JAK2: variants seen among roughly 807,000 people sequenced by gnomAD.
The protein encoded by JAK2 is tyrosine-protein kinase JAK2.
A neutral mutation model predicts 139.3 loss-of-function variants in JAK2; 86 were observed. The observed-to-expected ratio is 0.62, with a 90% CI of 0.52 to 0.74. JAK2 has a LOEUF of 0.74. Ranked by LOEUF, JAK2 falls within the 30% of genes least tolerant of loss-of-function variation. JAK2 has a pLI of 0.00. For missense variants in JAK2, 1,421 were observed against 1,360.3 expected (o/e 1.04, Z -0.70); for synonymous variants, 490 against 437.7 (o/e 1.12, Z -1.49).
chr9:5,091,376 GATT>G, intron 22 of JAK2: 1 of 152,904 alleles, frequency 6.5e-6, no homozygotes, highest in East Asian at 1.9e-4. Flanking sequence ...TTATTATTAG[GATT>G]ATTAATAGAG....
chr9:5,114,456 C>T (rs1477889400), intron 22 of JAK2: 2 of 473,646 alleles, frequency 4.2e-6, no homozygotes, highest in Admixed American at 5.3e-5. Flanking sequence ...CACCCACCTG[C>T]AGTCCACGAC....
chr9:4,998,338 C>T (rs1820709483), intron 2 of JAK2, among the ~76,000 whole-genome samples: 1 of 152,122 alleles, frequency 6.6e-6, no homozygotes, highest in South Asian at 2.1e-4. Context: ...CTCACTGCAA[C>T]TTCTGCCTCC....
chr9:5,055,901 A>T (rs1280352262), intron 8 of JAK2, 113 bp downstream of exon 8: 4 of 930,124 alleles, frequency 4.3e-6, no homozygotes, highest in Non-Finnish European at 6.4e-6. Flanking sequence ...TTGTAGTTTT[A>T]AATATAACTC....
intron 22 of JAK2, among the ~76,000 whole-genome samples, chr9:5,107,382 A>G (rs1334237221): frequency 6.6e-6 from 1 of 152,110 alleles, no homozygotes; most frequent in Non-Finnish European, 1.5e-5. Context: ...CCTTTTCCAT[A>G]AAATTCTTCC....
chr9:5,080,892 C>CTTTT (rs33925764), intron 18 of JAK2, among the ~76,000 whole-genome samples: 98 of 95,530 alleles, frequency 1.0e-3, no homozygotes, highest in Non-Finnish European at 1.1e-3. Context: ...AAGACCTTTT[C>CTTTT]TTTTTTTTTT....
chr9:5,090,343 T>A (rs1820481346), intron 20 of JAK2, 103 bp from the exon 21 acceptor site: 1 of 852,770 alleles, frequency 1.2e-6, no homozygotes, highest in Non-Finnish European at 1.6e-6. Context: ...TTTGTCATCT[T>A]AGATTTCATA....
chr9:5,083,109 G>C (rs1008757260), intron 19 of JAK2, among the ~76,000 whole-genome samples: 3 of 152,162 alleles, frequency 2.0e-5, no homozygotes, highest in Non-Finnish European at 4.4e-5. Flanking sequence ...ACTGTTCCTT[G>C]GTAGCAGGAG....
At chr9:5,045,123 T>C (rs146932362) in intron 5 of JAK2, among the ~76,000 whole-genome samples, 65 of 152,322 alleles carry the variant, frequency 4.3e-4, no homozygotes, top group African/African-American at 1.5e-3. Context: ...AATTGAAATA[T>C]TTTGTCATTA....
chr9:5,006,164 T>C (rs1821288312), intron 2 of JAK2, among the ~76,000 whole-genome samples: 1 of 152,168 alleles, frequency 6.6e-6, no homozygotes, highest in Non-Finnish European at 1.5e-5. Flanking sequence ...TCCTCTTTTA[T>C]TTCATTGAGC....
chr9:5,109,041 C>T (rs1402269236), intron 22 of JAK2: 1 of 152,068 alleles, frequency 6.6e-6, no homozygotes, highest in East Asian at 1.9e-4. Context: ...TACCATTAAT[C>T]TAGTAAGGGA....
chr9:5,101,559 A>G (rs939806927), intron 22 of JAK2, among the ~76,000 whole-genome samples: 9 of 152,244 alleles, frequency 5.9e-5, no homozygotes, highest in African/African-American at 1.4e-4. Context: ...AGCTCTGACA[A>G]TGGACAGACT....
intron 15 of JAK2, 98 bp downstream of exon 15, chr9:5,077,678 G>A: frequency 1.4e-6 from 1 of 699,356 alleles, no homozygotes; most frequent in Non-Finnish European, 2.2e-6. Flanking sequence ...ATCTGTAATT[G>A]GATGCCAATT....
rs188732691 is a variant in JAK2 at position 5,074,478 on chromosome 9, A to G, written c.1864+693A>G. Among the ~76,000 whole-genome samples, 42 of 152,194 alleles carry G rather than the reference A, an allele frequency of 2.8e-4. No homozygotes were observed. The East Asian group carries it at 7.7e-3, about 28-fold the overall frequency. On this transcript the variant is annotated intron_variant, in intron 14 of 24. Coordinates refer to ENST00000381652, the MANE Select transcript of JAK2 (RefSeq NM_004972.4). ...ACATTTCAAACTTTAAAAAAATCATATGGTGATCTGTGATCAGTAATCTTT... is the reference window on the plus strand; with the variant it reads ...ACATTTCAAACTTTAAAAAAATCATGTGGTGATCTGTGATCAGTAATCTTT...
At chr9:5,111,708 G>A (rs1822563595) in intron 22 of JAK2, 2 of 431,628 alleles carry the variant, frequency 4.6e-6, no homozygotes, top group Middle Eastern at 5.2e-4. Context: ...ACGTTTGGCG[G>A]CCTGCACCAG....
chr9:4,989,368 G>C (rs1471529072), intron 2 of JAK2, among the ~76,000 whole-genome samples: 1 of 151,738 alleles, frequency 6.6e-6, no homozygotes, highest in Non-Finnish European at 1.5e-5. Context: ...CCATGCTTTA[G>C]TTGTTTGATA....
intron 2 of JAK2, among the ~76,000 whole-genome samples, chr9:5,019,139 C>G (rs1443888023): frequency 6.6e-6 from 1 of 152,116 alleles, no homozygotes; most frequent in Admixed American, 6.5e-5. Flanking sequence ...TTTCATTAAC[C>G]AGGTTTTCTA....
chr9:5,121,714 C>T (rs746498575), intron 22 of JAK2, among the ~76,000 whole-genome samples: 1 of 152,088 alleles, frequency 6.6e-6, no homozygotes, highest in South Asian at 2.1e-4. Flanking sequence ...TCTGAATGCT[C>T]TAAGAACAAA....
chr9:5,017,539 GTTC>G (rs1414649540), intron 2 of JAK2, among the ~76,000 whole-genome samples: 1 of 151,882 alleles, frequency 6.6e-6, no homozygotes, highest in Non-Finnish European at 1.5e-5. Context: ...TTTGGGCTTT[GTTC>G]TTCTTTTTCT....
chr9:5,041,380 G>A, intron 4 of JAK2: 1 of 624,502 alleles, frequency 1.6e-6, no homozygotes, highest in South Asian at 1.7e-5. Flanking sequence ...ACCTGGGCAA[G>A]GAGCAGAGCC....
Sources: allele counts gnomAD v4.1 joint callset (sites outside exome capture counted in the v4.1 genomes callset), GRCh38; gene constraint gnomAD v4.1.1; transcripts MANE v1.5; gene names NCBI Gene and HGNC (gene_info 2026-07-23, HGNC 2026-07-21).